The following SLC25A13 variants were observed in gnomAD, a reference collection of about 807,000 sequenced individuals.
The protein encoded by SLC25A13 is solute carrier family 25 member 13, also known as electrogenic aspartate/glutamate antiporter SLC25A13, mitochondrial.
SLC25A13 carries 70 observed loss-of-function variants against 85.5 expected under a neutral mutation model. The observed-to-expected ratio is 0.82, with a 90% CI of 0.68 to 1.00. The LOEUF (loss-of-function observed/expected upper bound fraction) is 1.00, where lower values mean the gene tolerates loss of function less well. SLC25A13 is among the 50% of genes least tolerant of loss of function. The pLI, the probability that SLC25A13 is intolerant of heterozygous loss-of-function variation, is 0.00. For missense variants in SLC25A13, 765 were observed against 819.8 expected (o/e 0.93, Z 0.82); for synonymous variants, 259 against 288.7 (o/e 0.90, Z 1.04).
chr7:96,122,001 C>T lies in SLC25A13; in HGVS notation c.1592-4G>A, dbSNP rs1283658557. 5 of 1,614,042 alleles carry T rather than the reference C, an allele frequency of 3.1e-6. No homozygotes were observed. In the Admixed American group the frequency reaches 8.3e-5, roughly 27 times the overall value. ...ACTAAAGATGCTGCAGGCATACCTG[C>T]AGGAGAGACACAACACCATCTCAGT... On this transcript the variant is annotated splice_polypyrimidine_tract_variant and splice_region_variant and intron_variant, in intron 15 of 17. Coordinates refer to ENST00000265631, the MANE Select transcript of SLC25A13 (RefSeq NM_014251.3).
At chr7:96,155,772 C>G (rs1793237785) in intron 13 of SLC25A13, among the ~76,000 whole-genome samples, 1 of 152,240 alleles carries the variant, frequency 6.6e-6, no homozygotes, top group East Asian at 1.9e-4. Flanking sequence ...TCAAGCACTT[C>G]TGATGTAGGA....
chr7:96,189,321 G>A lies in SLC25A13; in HGVS notation c.906C>T (p.Pro302=), dbSNP rs1794753359. ...RIAPLEEGTL[P]FNLAEAQRQK... The stretch of plus-strand genomic sequence containing the variant: ...GCCTCTGGGCCTCAGCCAAGTTAAA[G>A]GGCAGAGTTCCCTCTTCCAGAGGAG... Residue 302 remains proline (P), a synonymous_variant, in exon 9 of 18, where the codon CCC becomes CCT. Transcript: ENST00000265631. The A allele has an allele frequency of 5.0e-6, 8 of 1,614,038 alleles. No homozygotes were observed. The highest frequency in any genetic ancestry group is 6.8e-6 in the Non-Finnish European group (8 of 1,180,016).
At chr7:96,257,265 T>C (rs1257445372) in intron 3 of SLC25A13, among the ~76,000 whole-genome samples, 1 of 152,022 alleles carries the variant, frequency 6.6e-6, no homozygotes, top group African/African-American at 2.4e-5. Context: ...AAAAAATCAA[T>C]GAATCCAGGA....
chr7:96,186,064 C>T (rs1313665368), intron 9 of SLC25A13, among the ~76,000 whole-genome samples: 2 of 152,032 alleles, frequency 1.3e-5, no homozygotes, highest in African/African-American at 4.8e-5. Flanking sequence ...CTGAAATTTG[C>T]CATTAAAGCA....
Position 96,208,822 on chromosome 7 carries a change from T to A in SLC25A13, c.468+16A>T. The A allele has an allele frequency of 2.5e-6, 4 of 1,613,762 alleles. No homozygotes were observed. The highest frequency in any genetic ancestry group is 3.4e-6 in the Non-Finnish European group (4 of 1,179,818). On this transcript the variant is annotated intron_variant, in intron 5 of 17. Transcript: ENST00000265631. The stretch of plus-strand genomic sequence containing the variant: ...GCCCGGCCATACCCTTTTAACTTTT[T>A]AAGAGCTAGACCCACCAATAAAAAC...
chr7:96,184,573 C>T (rs1158217859), intron 10 of SLC25A13, 138 bp from the exon 11 acceptor site: 3 of 784,038 alleles, frequency 3.8e-6, no homozygotes, highest in Admixed American at 4.7e-5. Context: ...ACAGTACTAC[C>T]TTTCTTATAT....
rs544957441 is a variant in SLC25A13 at position 96,158,640 on chromosome 7, T to C, written c.1311+11405A>G. On this transcript the variant is annotated intron_variant, in intron 13 of 17. Transcript: ENST00000265631. ...TTGCACACTGACATTCTAAAATGCG[T>C]GCTTACACGTGTCAAAAATAGATTA... Among the ~76,000 whole-genome samples the C allele has an allele frequency of 1.0e-3, 159 of 152,346 alleles. 1 individual carries two copies. In the South Asian group the frequency reaches 0.018, roughly 17 times the overall value.
At chr7:96,286,014 G>A (rs1330490365) in intron 2 of SLC25A13, among the ~76,000 whole-genome samples, 1 of 152,162 alleles carries the variant, frequency 6.6e-6, no homozygotes, top group Non-Finnish European at 1.5e-5. Context: ...GCCAGGCACG[G>A]TGGCTCATGC....
chr7:96,216,748 G>C (rs182355022), intron 4 of SLC25A13, among the ~76,000 whole-genome samples: 1 of 152,206 alleles, frequency 6.6e-6, no homozygotes, highest in East Asian at 1.9e-4. Flanking sequence ...CCTACCAGAG[G>C]GTAAAGGGTG....
At chr7:96,273,344 G>C (rs1173763770) in intron 3 of SLC25A13, among the ~76,000 whole-genome samples, 1 of 152,144 alleles carries the variant, frequency 6.6e-6, no homozygotes, top group Non-Finnish European at 1.5e-5. Flanking sequence ...AACAAGAATA[G>C]GCAAAGAGCC....
At chr7:96,175,813 T>C (rs568058748) in intron 11 of SLC25A13, among the ~76,000 whole-genome samples, 111 of 152,332 alleles carry the variant, frequency 7.3e-4, no homozygotes, top group African/African-American at 2.5e-3. Flanking sequence ...TTTAAGGTAA[T>C]ATATTAGAGG....
chr7:96,293,472 A>T (rs9768606), intron 2 of SLC25A13, among the ~76,000 whole-genome samples: 100,551 of 151,990 alleles, frequency 0.66, 33,546 homozygotes, highest in Non-Finnish European at 0.67. Flanking sequence ...CAAAAGAAAC[A>T]ACCATCAGAG....
intron 3 of SLC25A13, among the ~76,000 whole-genome samples, chr7:96,262,036 C>T (rs1797873515): frequency 6.6e-6 from 1 of 152,172 alleles, no homozygotes. Context: ...GACTAAGTTT[C>T]CAACACATGA....
chr7:96,285,127 T>C lies in SLC25A13; in HGVS notation c.70-7789A>G, dbSNP rs1288771972. On this transcript the variant is annotated intron_variant, in intron 2 of 17. Coordinates refer to ENST00000265631, the MANE Select transcript of SLC25A13 (RefSeq NM_014251.3). ...TTTCTCTATTCTTATTACTGGCACC[T>C]CTCTGCACTCAGACCGTATTTTCTC... Among the ~76,000 whole-genome samples, 5 of 152,180 alleles carry C rather than the reference T, an allele frequency of 3.3e-5. No homozygotes were observed. In the East Asian group the frequency reaches 5.8e-4, roughly 18 times the overall value.
intron 2 of SLC25A13, among the ~76,000 whole-genome samples, chr7:96,294,322 T>C (rs62472391): frequency 0.65 from 98,557 of 151,608 alleles, 32,317 homozygotes; most frequent in Non-Finnish European, 0.67. Context: ...GGAGATATAC[T>C]TAATGTAAAT....
At chr7:96,219,151 G>A (rs746197163) in intron 4 of SLC25A13, among the ~76,000 whole-genome samples, 18 of 152,110 alleles carry the variant, frequency 1.2e-4, no homozygotes, top group Non-Finnish European at 2.4e-4. Context: ...ATTCAGAGTC[G>A]CTCAAGAAAC....
chr7:96,308,625 T>C (rs1799845317), intron 1 of SLC25A13, among the ~76,000 whole-genome samples: 1 of 152,186 alleles, frequency 6.6e-6, no homozygotes, highest in Non-Finnish European at 1.5e-5. Flanking sequence ...GCACAGGTGG[T>C]TTCTTATGTA....
At chr7:96,296,572 C>G (rs1380692498) in intron 2 of SLC25A13, among the ~76,000 whole-genome samples, 1 of 152,012 alleles carries the variant, frequency 6.6e-6, no homozygotes, top group African/African-American at 2.4e-5. Flanking sequence ...CCTCCGCCTC[C>G]CAGGTTCAAG....
At chr7:96,272,035 G>A (rs1015874261) in intron 3 of SLC25A13, among the ~76,000 whole-genome samples, 1 of 151,976 alleles carries the variant, frequency 6.6e-6, no homozygotes, top group African/African-American at 2.4e-5. Context: ...ACAGGTTACG[G>A]CCACCATGCC....
Sources: allele counts gnomAD v4.1 joint callset (sites outside exome capture counted in the v4.1 genomes callset), GRCh38; gene constraint gnomAD v4.1.1; transcripts MANE v1.5; gene names NCBI Gene and HGNC (gene_info 2026-07-23, HGNC 2026-07-21).